The following DPY19L4 variants were observed in gnomAD, a reference collection of about 807,000 sequenced individuals.
DPY19L4 encodes dpy-19 like 4.
Under a neutral mutation model 102.8 loss-of-function variants are expected in DPY19L4, and 97 were observed. The ratio of observed to expected loss-of-function variants is 0.94; its 90% CI spans 0.80 to 1.12. The LOEUF (loss-of-function observed/expected upper bound fraction) is 1.12. DPY19L4 is among the 50% of genes most tolerant of loss of function. The pLI, the probability that DPY19L4 is intolerant of heterozygous loss-of-function variation, is 0.00. For missense variants in DPY19L4, 815 were observed against 850.4 expected (o/e 0.96, Z 0.52); for synonymous variants, 252 against 283.1 (o/e 0.89, Z 1.10).
chr8:94,739,941 GTATAGCA>G, intron 6 of DPY19L4, 151 bp downstream of exon 6: 1 of 1,085,408 alleles, frequency 9.2e-7, no homozygotes, highest in Non-Finnish European at 1.3e-6. Context: ...ATGATACTTT[GTATAGCA>G]CATTAGACAG....
chr8:94,760,222 G>A (rs905825298), intron 7 of DPY19L4, among the ~76,000 whole-genome samples: 2 of 152,200 alleles, frequency 1.3e-5, no homozygotes, highest in Non-Finnish European at 2.9e-5. Flanking sequence ...TTAGTATGTT[G>A]TAGGTTTCCC....
intron 2 of DPY19L4, among the ~76,000 whole-genome samples, chr8:94,732,253 C>T (rs1448433504): frequency 6.6e-6 from 1 of 152,020 alleles, no homozygotes; most frequent in Non-Finnish European, 1.5e-5. Context: ...TTGATTTTTA[C>T]TGTCAGTCAT....
intron 6 of DPY19L4, among the ~76,000 whole-genome samples, chr8:94,743,832 C>T (rs2130830568): frequency 6.6e-6 from 1 of 151,956 alleles, no homozygotes; most frequent in South Asian, 2.1e-4. Flanking sequence ...ATGGTGAAAC[C>T]CCATCTCCTC....
At chr8:94,734,951 C>T (rs996576081) in intron 3 of DPY19L4, among the ~76,000 whole-genome samples, 197 bp downstream of exon 3, 1 of 152,180 alleles carries the variant, frequency 6.6e-6, no homozygotes, top group African/African-American at 2.4e-5. Context: ...TATGAGGGTG[C>T]TCCCCTTTCT....
chr8:94,724,685 T>G (rs1019474172), intron 1 of DPY19L4, among the ~76,000 whole-genome samples: 4 of 152,222 alleles, frequency 2.6e-5, no homozygotes, highest in Non-Finnish European at 5.9e-5. Context: ...CCTACTGGGT[T>G]CAAGTGATTC....
intron 1 of DPY19L4, 73 bp downstream of exon 1, chr8:94,720,087 T>A: frequency 6.7e-7 from 1 of 1,492,084 alleles, no homozygotes; most frequent in Non-Finnish European, 8.9e-7. Flanking sequence ...GCGCTGGAGG[T>A]CTGGGTTGGA....
In DPY19L4 at chr8:94,793,473, G is replaced by A. The variant is rs1347581353; in HGVS notation, c.*3563G>A. 1 of 152,066 alleles carries A rather than the reference G, an allele frequency of 6.6e-6. No individual in the cohort carries two copies. Among genetic ancestry groups the A allele is most frequent in the Admixed American group, 6.6e-5 (1 of 15,260 alleles). The allele number at this position is 152,066 out of a possible 1,614,324, so 9.4% of individuals were successfully genotyped here. ...ATTTTAAATGCTTTAGTATTTAAAG[G>A]GTGTATGTTATTAATTAATCTGCAT... On this transcript the variant is annotated 3_prime_UTR_variant, in exon 19 of 19. Coordinates refer to ENST00000414645, the MANE Select transcript of DPY19L4 (RefSeq NM_181787.3).
chr8:94,720,671 A>G (rs191377635), intron 1 of DPY19L4, among the ~76,000 whole-genome samples: 336 of 152,334 alleles, frequency 2.2e-3, no homozygotes, highest in Non-Finnish European at 4.3e-3. Context: ...TGCCGCCTTC[A>G]GGATCAATGC....
chr8:94,766,549 G>C, intron 10 of DPY19L4, 63 bp from the exon 11 acceptor site: 1 of 1,477,458 alleles, frequency 6.8e-7, no homozygotes, highest in Non-Finnish European at 9.3e-7. Context: ...TAGTATTGGG[G>C]AAAGCATATG....
chr8:94,729,597 CAAAAAAA>C (rs770975687), intron 2 of DPY19L4, among the ~76,000 whole-genome samples: 55 of 31,046 alleles, frequency 1.8e-3, no homozygotes, highest in Middle Eastern at 0.033. Flanking sequence ...GATTCCATCT[CAAAAAAA>C]AAAAAAAAAA....
Position 94,738,479 on chromosome 8 carries a change from AT to A in DPY19L4, c.343+25del. 7.3e-7 allele frequency: 1 copy of A among 1,364,970 alleles called. No individual in the cohort carries two copies. The highest frequency in any genetic ancestry group is 9.9e-7 in the Non-Finnish European group (1 of 1,005,862). 84.6% of individuals were successfully genotyped at this position (1,364,970 alleles called of 1,614,324 possible). A position where few individuals can be genotyped will look rare whatever the true frequency, so the allele number is the denominator to read the frequency against. Reference sequence around the variant, plus strand: ...AAAGAGGTATGATAATCACAGTTATATTTTTAATAACAGTATTTTCCTTTTT... The same window carrying A: ...AAAGAGGTATGATAATCACAGTTATATTTTAATAACAGTATTTTCCTTTTT... On this transcript the variant is annotated intron_variant, in intron 4 of 18. Transcript: ENST00000414645.
At chr8:94,756,636 G>A (rs151178433) in intron 7 of DPY19L4, among the ~76,000 whole-genome samples, 2,140 of 152,300 alleles carry the variant, frequency 0.014, 47 homozygotes, top group African/African-American at 0.048. Flanking sequence ...TCAGGAGACT[G>A]TCCCTGGTAG....
intron 13 of DPY19L4, among the ~76,000 whole-genome samples, chr8:94,773,867 T>A (rs1306629033): frequency 1.0e-5 from 1 of 95,570 alleles, no homozygotes. Context: ...AGACCCCATC[T>A]CTACAAAAAA....
chr8:94,761,356 G>T (rs955863837), intron 7 of DPY19L4, among the ~76,000 whole-genome samples: 2 of 152,166 alleles, frequency 1.3e-5, no homozygotes, highest in Non-Finnish European at 2.9e-5. Context: ...CACCAGCCAG[G>T]TCTAGTAAAT....
rs1416694791 is a variant in DPY19L4 at position 94,792,495 on chromosome 8, A to AC, written c.*2589dup. On this transcript the variant is annotated 3_prime_UTR_variant, in exon 19 of 19. Transcript: ENST00000414645. Reference sequence around the variant, plus strand: ...ACTCCTGACCTCAGATGATCCACTCACCCCAGCCTCCCAAAGTGCTGGGAT... The same window carrying AC: ...ACTCCTGACCTCAGATGATCCACTCACCCCCAGCCTCCCAAAGTGCTGGGAT... 2.7e-5 allele frequency: 4 copies of AC among 150,810 alleles called. No individual in the cohort carries two copies. The highest frequency in any genetic ancestry group is 2.6e-4 in the Admixed American group (4 of 15,178). The allele number at this position is 150,810 out of a possible 1,614,324, so 9.3% of individuals were successfully genotyped here.
At chr8:94,768,601 A>T in intron 12 of DPY19L4, 48 bp downstream of exon 12, 11 of 1,054,588 alleles carry the variant, frequency 1.0e-5, no homozygotes, top group Non-Finnish European at 1.3e-5. Flanking sequence ...AATTATGGAA[A>T]TATATAAAAT....
At chr8:94,787,195 A>T (rs1813693927) in intron 17 of DPY19L4, among the ~76,000 whole-genome samples, 1 of 152,058 alleles carries the variant, frequency 6.6e-6, no homozygotes, top group Non-Finnish European at 1.5e-5. Context: ...GTTTTTTTTT[A>T]ATGCCCCAAT....
intron 14 of DPY19L4, among the ~76,000 whole-genome samples, chr8:94,780,144 T>C (rs1209948401): frequency 6.6e-6 from 1 of 152,168 alleles, no homozygotes; most frequent in East Asian, 1.9e-4. Flanking sequence ...TTATAGTAAA[T>C]GTTTATGTCT....
In DPY19L4 at chr8:94,734,668, T is replaced by C. The variant is rs1417298810; in HGVS notation, c.166T>C (p.Cys56Arg). The stretch of plus-strand genomic sequence containing the variant: ...ACGCTTTGCAAAGATTTTCATTGGC[T>C]GTCTTGCAGCGGTTACTAGTGGTAT... ...FQRFAKIFIG[C>R]LAAVTSGMMY... Residue 56 changes from cysteine to arginine, a missense_variant, in exon 3 of 19, where the codon TGT (cysteine) becomes CGT (arginine). Physicochemically the swap from Cys to Arg is radical, Grantham distance 180. Coordinates refer to ENST00000414645, the MANE Select transcript of DPY19L4 (RefSeq NM_181787.3). The C allele has an allele frequency of 6.2e-7, 1 of 1,614,112 alleles. No individual in the cohort carries two copies. Among genetic ancestry groups the C allele is most frequent in the Non-Finnish European group, 8.5e-7 (1 of 1,179,984 alleles).
Sources: allele counts gnomAD v4.1 joint callset (sites outside exome capture counted in the v4.1 genomes callset), GRCh38; gene constraint gnomAD v4.1.1; transcripts MANE v1.5; gene names NCBI Gene and HGNC (gene_info 2026-07-23, HGNC 2026-07-21).